Variants in COL19A1 observed in about 807,000 individuals in gnomAD.
COL19A1 encodes collagen type XIX alpha 1 chain, also known as collagen alpha-1(XIX) chain.
In COL19A1, 159 loss-of-function variants were observed where a neutral mutation model predicts 190.2. That is an observed-to-expected ratio of 0.84 (90% CI 0.73 to 0.95). COL19A1 has a LOEUF of 0.95. Among genes scored for constraint, COL19A1 ranks in the 40% least tolerant of loss-of-function variants. COL19A1 has a pLI of 0.00. For synonymous variants in COL19A1, 509 were observed against 458.9 expected, an observed-to-expected ratio of 1.11 and a Z score of -1.39; for missense variants, 1,418 against 1,431.9, an observed-to-expected ratio of 0.99 and a Z score of 0.16.
chr6:70,050,640 C>T (rs932995195), intron 14 of COL19A1, among the ~76,000 whole-genome samples: 30 of 152,210 alleles, frequency 2.0e-4, no homozygotes, highest in African/African-American at 6.7e-4. Context: ...TATAACATCA[C>T]TTACTTGGAT....
chr6:70,192,825 A>G (rs671910), intron 48 of COL19A1, among the ~76,000 whole-genome samples: 115,635 of 151,800 alleles, frequency 0.76, 44,889 homozygotes, highest in African/African-American at 0.91. Context: ...GGACATCTAG[A>G]ATCTCAGATA....
At chr6:70,148,555 G>C (rs1786823633) in intron 27 of COL19A1, among the ~76,000 whole-genome samples, 1 of 152,158 alleles carries the variant, frequency 6.6e-6, no homozygotes, top group Admixed American at 6.6e-5. Context: ...TTGTGAATGA[G>C]GGTTGTCTGA....
chr6:70,061,967 A>T (rs1014932860), intron 14 of COL19A1, among the ~76,000 whole-genome samples: 2 of 151,968 alleles, frequency 1.3e-5, no homozygotes, highest in African/African-American at 2.4e-5. Context: ...TAATTATCCA[A>T]CATTACTTGA....
chr6:69,919,693 AT>A (rs1396865560), intron 4 of COL19A1, among the ~76,000 whole-genome samples: 2 of 152,090 alleles, frequency 1.3e-5, no homozygotes, highest in African/African-American at 4.8e-5. Flanking sequence ...ATAAAATGTT[AT>A]TTTTTATCCA....
chr6:69,874,212 GGT>G (rs1321118349), intron 1 of COL19A1, among the ~76,000 whole-genome samples: 1 of 152,144 alleles, frequency 6.6e-6, no homozygotes, highest in Non-Finnish European at 1.5e-5. Context: ...AGAGGTTTCT[GGT>G]CAGGAAAAGG....
chr6:69,877,139 T>G (rs975049899), intron 1 of COL19A1, among the ~76,000 whole-genome samples: 4 of 152,212 alleles, frequency 2.6e-5, no homozygotes, highest in Admixed American at 2.6e-4. Context: ...TTGATTAAAC[T>G]TTGAATGATG....
chr6:69,959,819 G>A (rs1173744587), intron 9 of COL19A1, among the ~76,000 whole-genome samples, 177 bp from the exon 10 acceptor site: 1 of 152,124 alleles, frequency 6.6e-6, no homozygotes, highest in African/African-American at 2.4e-5. Flanking sequence ...TAAAAATTGA[G>A]GTGACAGTCC....
intron 4 of COL19A1, among the ~76,000 whole-genome samples, chr6:69,921,043 T>C (rs1254410541): frequency 1.5e-4 from 5 of 33,384 alleles, no homozygotes; most frequent in Admixed American, 5.4e-4. Flanking sequence ...ATCATATATA[T>C]TCATAGACAT....
chr6:69,911,804 G>A (rs1770939596), intron 4 of COL19A1, among the ~76,000 whole-genome samples: 2 of 152,120 alleles, frequency 1.3e-5, no homozygotes, highest in African/African-American at 4.8e-5. Flanking sequence ...TGGGTCTTCA[G>A]TGCTCCTCTC....
At chr6:70,172,454 G>GATGAGGTCAGAGAGGAGATGAGGAGATGA (rs1309199821) in intron 41 of COL19A1, among the ~76,000 whole-genome samples, 3 of 152,026 alleles carry the variant, frequency 2.0e-5, no homozygotes, top group Non-Finnish European at 4.4e-5. Context: ...GGAGATAGTC[G>GATGAGGTCAGAGAGGAGATGAGGAGATGA]TAGGAGATGA....
At chr6:69,974,891 C>T (rs2150058760) in intron 11 of COL19A1, among the ~76,000 whole-genome samples, 1 of 145,964 alleles carries the variant, frequency 6.9e-6, no homozygotes, top group South Asian at 2.2e-4. Context: ...AGGCTCACTG[C>T]AAGCTCCACC....
intron 25 of COL19A1, among the ~76,000 whole-genome samples, chr6:70,146,053 G>C (rs79539288): frequency 1.3e-3 from 204 of 152,050 alleles, no homozygotes; most frequent in Middle Eastern, 6.8e-3. Context: ...ATAAGCAAAG[G>C]GCTTTCTTCT....
At chr6:69,970,939 T>C (rs999904966) in intron 11 of COL19A1, among the ~76,000 whole-genome samples, 15 of 152,334 alleles carry the variant, frequency 9.8e-5, no homozygotes, top group African/African-American at 3.4e-4. Context: ...CAATTATCCA[T>C]GGTAGCAGGC....
chr6:69,932,664 A>G, intron 6 of COL19A1, 119 bp from the exon 7 acceptor site: 2 of 593,714 alleles, frequency 3.4e-6, no homozygotes, highest in Non-Finnish European at 6.0e-6. Context: ...TAAAATATCC[A>G]CCAGTAATTT....
chr6:69,992,288 C>T (rs1443427056), intron 11 of COL19A1, among the ~76,000 whole-genome samples: 1 of 151,460 alleles, frequency 6.6e-6, no homozygotes, highest in Non-Finnish European at 1.5e-5. Context: ...CCATACTGAA[C>T]TTGTAGTATA....
chr6:70,186,237 A>G (rs1421004069), intron 46 of COL19A1, among the ~76,000 whole-genome samples: 2 of 152,238 alleles, frequency 1.3e-5, no homozygotes, highest in Non-Finnish European at 2.9e-5. Context: ...CACTACAATG[A>G]ACATCTTTGT....
chr6:69,885,086 A>T (rs546628333), intron 2 of COL19A1, among the ~76,000 whole-genome samples: 7 of 151,740 alleles, frequency 4.6e-5, no homozygotes, highest in Non-Finnish European at 1.0e-4. Context: ...CTGGTCTCGA[A>T]CTCCTGACCT....
intron 11 of COL19A1, among the ~76,000 whole-genome samples, chr6:69,965,549 G>T (rs999924212): frequency 6.6e-6 from 1 of 152,164 alleles, no homozygotes; most frequent in Non-Finnish European, 1.5e-5. Flanking sequence ...CAAGTATAAA[G>T]GACCTCATTT....
At chr6:70,021,843 T>C (rs374045380) in intron 11 of COL19A1, among the ~76,000 whole-genome samples, 9 of 152,312 alleles carry the variant, frequency 5.9e-5, no homozygotes, top group African/African-American at 2.2e-4. Context: ...GTGGCTGCTG[T>C]ATCGGACAGC....
Sources: allele counts gnomAD v4.1 joint callset (sites outside exome capture counted in the v4.1 genomes callset), GRCh38; gene constraint gnomAD v4.1.1; transcripts MANE v1.5; gene names NCBI Gene and HGNC (gene_info 2026-07-23, HGNC 2026-07-21).